Variants in CSMD1 observed in about 807,000 individuals in gnomAD.
The protein encoded by CSMD1 is CUB and sushi domain-containing protein 1.
CSMD1 carries 213 observed loss-of-function variants against 417.5 expected under a neutral mutation model. That is an observed-to-expected ratio of 0.51 (90% CI 0.46 to 0.57). The LOEUF is 0.57. Among genes scored for constraint, CSMD1 ranks in the 20% least tolerant of loss-of-function variants. The pLI is 0.00. For missense variants in CSMD1, 6,923 were observed against 4,529.7 expected (o/e 1.53, Z -15.17); for synonymous variants, 2,862 against 1,736.8 (o/e 1.65, Z -16.11).
At chr8:3,896,364 C>A (rs1029076311) in intron 5 of CSMD1, among the ~76,000 whole-genome samples, 4 of 152,086 alleles carry the variant, frequency 2.6e-5, no homozygotes, top group African/African-American at 9.7e-5. Context: ...AACATTAAGA[C>A]TAATAGTCCA....
chr8:4,021,169 G>T (rs137940614), intron 4 of CSMD1, among the ~76,000 whole-genome samples: 1 of 152,178 alleles, frequency 6.6e-6, no homozygotes, highest in Non-Finnish European at 1.5e-5. Context: ...GTGAAATGTG[G>T]CTAGTCAGCA....
chr8:4,138,822 G>T (rs1033734629), intron 3 of CSMD1, among the ~76,000 whole-genome samples: 1 of 151,996 alleles, frequency 6.6e-6, no homozygotes, highest in Non-Finnish European at 1.5e-5. Flanking sequence ...TTTTGCCCCT[G>T]AGGCAAATTC....
intron 1 of CSMD1, among the ~76,000 whole-genome samples, chr8:4,964,537 AG>A (rs1399273761): frequency 6.8e-6 from 1 of 147,282 alleles, no homozygotes; most frequent in African/African-American, 2.5e-5. Flanking sequence ...GAAGGAAGGA[AG>A]GAAAAAAAAA....
chr8:3,220,220 T>G (rs1025665909), intron 28 of CSMD1, among the ~76,000 whole-genome samples: 1 of 151,264 alleles, frequency 6.6e-6, no homozygotes, highest in Non-Finnish European at 1.5e-5. Context: ...ATGCCCAGAG[T>G]GTAACCTTTC....
chr8:3,945,059 C>G (rs943682781), intron 5 of CSMD1, among the ~76,000 whole-genome samples: 1 of 151,810 alleles, frequency 6.6e-6, no homozygotes. Flanking sequence ...TATAATCCCT[C>G]ATTTTATAAA....
At chr8:4,988,210 C>T (rs1811281354) in intron 1 of CSMD1, among the ~76,000 whole-genome samples, 2 of 152,160 alleles carry the variant, frequency 1.3e-5, no homozygotes, top group Admixed American at 6.5e-5. Context: ...ATATGCATTA[C>T]TCTCCGCTTT....
In CSMD1 at chr8:3,396,328, C is replaced by A; in HGVS notation, c.2459G>T (p.Ser820Ile). ...DTLEVRDGPASSSPLIGEYHG... is the reference protein window; with the variant it reads ...DTLEVRDGPAISSPLIGEYHG... The stretch of plus-strand genomic sequence containing the variant: ...GTACTCGCCGATCAGTGGGGACGAA[C>A]TGGCTGGCCCATCTCTGACCTCCAA... Residue 820 changes from serine (S) to isoleucine (I), a missense_variant, in exon 17 of 70, where the codon AGT (serine) becomes ATT (isoleucine). Physicochemically the swap from Ser to Ile is moderately radical, Grantham distance 142. Coordinates refer to ENST00000635120, the MANE Select transcript of CSMD1 (RefSeq NM_033225.6). The A allele has an allele frequency of 6.2e-7, 1 of 1,607,884 alleles. No individual in the cohort carries two copies. Among genetic ancestry groups the A allele is most frequent in the Non-Finnish European group, 8.5e-7 (1 of 1,177,138 alleles).
chr8:4,741,561 G>C (rs569843292), intron 1 of CSMD1, among the ~76,000 whole-genome samples: 1 of 152,184 alleles, frequency 6.6e-6, no homozygotes, highest in Non-Finnish European at 1.5e-5. Context: ...GAATGAACTG[G>C]AGGTTTTAGA....
chr8:3,220,124 C>A (rs1286673229), intron 28 of CSMD1, among the ~76,000 whole-genome samples: 1 of 135,404 alleles, frequency 7.4e-6, no homozygotes, highest in Non-Finnish European at 1.5e-5. Flanking sequence ...ATGCACTCCA[C>A]CCTGAGAGAC....
At chr8:3,530,591 G>C (rs1797935284) in intron 10 of CSMD1, among the ~76,000 whole-genome samples, 1 of 152,170 alleles carries the variant, frequency 6.6e-6, no homozygotes, top group Non-Finnish European at 1.5e-5. Flanking sequence ...GTGTGAGCTA[G>C]GCTCACAGCA....
chr8:4,898,026 T>C (rs1004509149), intron 1 of CSMD1, among the ~76,000 whole-genome samples: 1 of 152,164 alleles, frequency 6.6e-6, no homozygotes, highest in African/African-American at 2.4e-5. Flanking sequence ...CTTCAGTTTA[T>C]AAAACAAGAA....
chr8:3,559,927 T>C (rs1799397179), intron 10 of CSMD1, among the ~76,000 whole-genome samples: 1 of 152,138 alleles, frequency 6.6e-6, no homozygotes, highest in African/African-American at 2.4e-5. Flanking sequence ...AAGGAATTAT[T>C]GCTCAGCTGG....
At chr8:4,696,388 A>C (rs1266863125) in intron 1 of CSMD1, among the ~76,000 whole-genome samples, 1 of 152,216 alleles carries the variant, frequency 6.6e-6, no homozygotes, top group Non-Finnish European at 1.5e-5. Flanking sequence ...TAGTATGAAG[A>C]ATTTTAACTC....
chr8:4,029,898 C>A (rs914333518), intron 4 of CSMD1, among the ~76,000 whole-genome samples: 2 of 152,092 alleles, frequency 1.3e-5, no homozygotes, highest in South Asian at 4.1e-4. Context: ...AGAAATTGGT[C>A]AAAACAAAGG....
intron 10 of CSMD1, among the ~76,000 whole-genome samples, chr8:3,532,520 C>G (rs965480009): frequency 6.6e-5 from 10 of 152,148 alleles, no homozygotes; most frequent in Non-Finnish European, 2.9e-5. Context: ...CTCAGATGAT[C>G]AGGACTTTAG....
intron 2 of CSMD1, among the ~76,000 whole-genome samples, chr8:4,429,535 T>C (rs1160510643): frequency 6.6e-6 from 1 of 152,080 alleles, no homozygotes; most frequent in African/African-American, 2.4e-5. Flanking sequence ...GATCAGAAAA[T>C]TGCAAAAGCG....
intron 3 of CSMD1, among the ~76,000 whole-genome samples, chr8:4,380,785 T>G (rs922667668): frequency 8.3e-6 from 1 of 120,610 alleles, no homozygotes; most frequent in Non-Finnish European, 1.9e-5. Context: ...AAAAGTATAT[T>G]TAAAAAACTA....
chr8:3,851,627 AT>A (rs1803913149), intron 5 of CSMD1, among the ~76,000 whole-genome samples: 1 of 152,224 alleles, frequency 6.6e-6, no homozygotes. Context: ...AAAAACATCC[AT>A]TGCTAACTTA....
intron 3 of CSMD1, among the ~76,000 whole-genome samples, chr8:4,354,210 A>T (rs1298607489): frequency 6.6e-6 from 1 of 152,168 alleles, no homozygotes; most frequent in African/African-American, 2.4e-5. Context: ...AGAGATTACC[A>T]CCCTGAGCCT....
Sources: gnomAD v4.1 joint callset for allele counts (sites outside exome capture counted in the v4.1 genomes callset) on GRCh38, gnomAD v4.1.1 for gene constraint, MANE v1.5 for transcripts, NCBI Gene and HGNC (gene_info 2026-07-23, HGNC 2026-07-21) for gene names.